TBC1D15: variants seen among roughly 807,000 people sequenced by gnomAD.
The protein encoded by TBC1D15 is TBC1 domain family member 15.
Under a neutral mutation model 95.4 loss-of-function variants are expected in TBC1D15, and 39 were observed. That is an observed-to-expected ratio of 0.41 (90% confidence interval 0.32 to 0.53). TBC1D15 has a LOEUF of 0.53. Among genes scored for constraint, TBC1D15 ranks in the 20% least tolerant of loss-of-function variants. The probability of loss-of-function intolerance (pLI) is 0.29; values close to 1 mark genes in which losing one functional copy is unlikely to be tolerated. For missense variants in TBC1D15, 733 were observed against 794.3 expected, an observed-to-expected ratio of 0.92 and a Z score of 0.93; for synonymous variants, 258 against 261.3, an observed-to-expected ratio of 0.99 and a Z score of 0.12.
At chr12:71,894,970 C>CG (rs1161854604) in intron 7 of TBC1D15, 87 bp downstream of exon 7, 1 of 1,265,284 alleles carries the variant, frequency 7.9e-7, no homozygotes, top group Non-Finnish European at 1.1e-6. Flanking sequence ...TTGGTGATAT[C>CG]TGCTTCTTTC....
intron 5 of TBC1D15, among the ~76,000 whole-genome samples, chr12:71,888,514 T>A (rs527877685): frequency 3.3e-5 from 5 of 151,802 alleles, no homozygotes; most frequent in South Asian, 2.1e-4. Context: ...AATACTGTTA[T>A]TAGAGGGGTT....
intron 3 of TBC1D15, among the ~76,000 whole-genome samples, chr12:71,874,269 G>A (rs1018333454): frequency 3.3e-5 from 5 of 152,160 alleles, no homozygotes; most frequent in African/African-American, 1.2e-4. Context: ...TTGGGAGGGG[G>A]CGGCACAATT....
chr12:71,916,023 A>G (rs17110414), intron 12 of TBC1D15, among the ~76,000 whole-genome samples: 13,980 of 152,140 alleles, frequency 0.092, 712 homozygotes, highest in South Asian at 0.14. Flanking sequence ...GTTGATGTTT[A>G]CTTGCATCTA....
intron 7 of TBC1D15, among the ~76,000 whole-genome samples, chr12:71,895,177 T>A (rs188391235): frequency 6.6e-6 from 1 of 152,032 alleles, no homozygotes; most frequent in Non-Finnish European, 1.5e-5. Flanking sequence ...TCCTATTACC[T>A]CTTAGTTCTG....
chr12:71,915,510 T>C (rs1321070681), intron 12 of TBC1D15, among the ~76,000 whole-genome samples: 1 of 150,790 alleles, frequency 6.6e-6, no homozygotes, highest in Non-Finnish European at 1.5e-5. Flanking sequence ...TGCAATAAGT[T>C]TTCAATAAAA....
At chr12:71,872,490 A>T (rs1892904200) in intron 2 of TBC1D15, among the ~76,000 whole-genome samples, 1 of 152,228 alleles carries the variant, frequency 6.6e-6, no homozygotes, top group Admixed American at 6.5e-5. Flanking sequence ...GGGCAAAATT[A>T]TCTAACATAA....
Position 71,921,444 on chromosome 12 carries a change from T to A in TBC1D15, c.1793T>A (p.Val598Glu). 1 of 1,563,862 alleles carries A rather than the reference T, an allele frequency of 6.4e-7. No homozygotes were observed. The highest frequency in any genetic ancestry group is 8.7e-7 in the Non-Finnish European group (1 of 1,147,506). ...CKAEAISLQM[V>E]KCKELPQAVC... ...GCAGAAGCAATTTCTCTACAGATGG[T>A]AAAATGCAAGGTATACAGTGTTTCA... Residue 598 changes from valine to glutamate, a missense_variant, in exon 16 of 17, where the codon GTA (valine) becomes GAA (glutamate). Physicochemically the swap from Val to Glu is moderately radical, Grantham distance 121. Transcript: ENST00000485960.
chr12:71,873,283 G>A (rs1893071612), intron 3 of TBC1D15, among the ~76,000 whole-genome samples: 1 of 152,050 alleles, frequency 6.6e-6, no homozygotes, highest in Non-Finnish European at 1.5e-5. Context: ...GCCTGTTCTA[G>A]ACATTTCGTA....
intron 1 of TBC1D15, among the ~76,000 whole-genome samples, chr12:71,851,984 C>A (rs1026192632): frequency 6.6e-6 from 1 of 152,244 alleles, no homozygotes; most frequent in Non-Finnish European, 1.5e-5. Context: ...ATTTCTCCTC[C>A]TCACTGCCCT....
intron 4 of TBC1D15, 39 bp from the exon 5 acceptor site, chr12:71,884,772 G>A: frequency 1.2e-6 from 2 of 1,603,472 alleles, no homozygotes; most frequent in African/African-American, 1.3e-5. Flanking sequence ...TTTTAAAAAG[G>A]TGAACAAAAA....
At chr12:71,877,723 A>T (rs1032029332) in intron 3 of TBC1D15, among the ~76,000 whole-genome samples, 1 of 151,916 alleles carries the variant, frequency 6.6e-6, no homozygotes, top group Non-Finnish European at 1.5e-5. Context: ...TAGCATTAGC[A>T]TTCTGTTCTT....
chr12:71,870,730 G>A (rs1333460201), intron 1 of TBC1D15, among the ~76,000 whole-genome samples: 2 of 152,136 alleles, frequency 1.3e-5, no homozygotes, highest in African/African-American at 4.8e-5. Context: ...TCACACAAAT[G>A]GGCTTCTCAT....
intron 2 of TBC1D15, 118 bp downstream of exon 2, chr12:71,872,286 A>G (rs919115697): frequency 2.1e-5 from 11 of 532,472 alleles, no homozygotes; most frequent in Admixed American, 7.8e-5. Context: ...TTGAACAGTA[A>G]TTGTAAATTT....
chr12:71,853,350 T>A (rs1394862249), intron 1 of TBC1D15, among the ~76,000 whole-genome samples: 1 of 152,136 alleles, frequency 6.6e-6, no homozygotes, highest in Admixed American at 6.5e-5. Flanking sequence ...AGGCCCTGCC[T>A]CCAACATTGG....
chr12:71,875,948 C>T (rs189552240), intron 3 of TBC1D15, among the ~76,000 whole-genome samples: 21 of 152,142 alleles, frequency 1.4e-4, no homozygotes, highest in East Asian at 5.8e-4. Flanking sequence ...CAGGCGCGCA[C>T]GTCACCACAC....
At chr12:71,920,945 A>G (rs1869054386) in intron 15 of TBC1D15, 98 bp downstream of exon 15, 7 of 837,408 alleles carry the variant, frequency 8.4e-6, no homozygotes, top group Non-Finnish European at 1.3e-5. Context: ...AAATCTCTTG[A>G]GTAACTTAAA....
At chr12:71,854,876 T>A (rs924330438) in intron 1 of TBC1D15, 12 of 456,090 alleles carry the variant, frequency 2.6e-5, no homozygotes, top group African/African-American at 8.0e-5. Flanking sequence ...ATTGTTGAAT[T>A]TGTATCATGT....
chr12:71,844,273 A>AG (rs1305246900), intron 1 of TBC1D15, among the ~76,000 whole-genome samples: 8 of 152,206 alleles, frequency 5.3e-5, no homozygotes, highest in African/African-American at 1.9e-4. Context: ...GTCTGTCTTC[A>AG]GGATAAATTT....
rs78258213 is a variant in TBC1D15, at chr12:71,883,088, A to T, written c.344-1723A>T. Among the ~76,000 whole-genome samples, 762 of 152,210 alleles carry T rather than the reference A, an allele frequency of 5.0e-3. 6 individuals carry two copies. Among genetic ancestry groups the T allele is most frequent in the African/African-American group, 0.017 (709 of 41,570 alleles). ...CTCTGTGCAACGAAGAATTTAATTTAAAAAATTGTCTATATGTAGTTTTTT... is the reference window on the plus strand; with the variant it reads ...CTCTGTGCAACGAAGAATTTAATTTTAAAAATTGTCTATATGTAGTTTTTT... On this transcript the variant is annotated intron_variant, in intron 4 of 16. Coordinates refer to ENST00000485960, the MANE Select transcript of TBC1D15 (RefSeq NM_001146213.3).
Sources: gnomAD v4.1 joint callset for allele counts (sites outside exome capture counted in the v4.1 genomes callset) on GRCh38, gnomAD v4.1.1 for gene constraint, MANE v1.5 for transcripts, NCBI Gene and HGNC (gene_info 2026-07-23, HGNC 2026-07-21) for gene names.